The following RALGAPA2 variants were observed in gnomAD, a reference collection of about 807,000 sequenced individuals.
RALGAPA2 encodes the protein Ral GTPase activating protein catalytic subunit alpha 2.
A neutral mutation model predicts 230.4 loss-of-function variants in RALGAPA2; 139 were observed. That is an observed-to-expected ratio of 0.60 (90% CI 0.53 to 0.69). RALGAPA2 has a LOEUF of 0.69. Among genes scored for constraint, RALGAPA2 ranks in the 30% least tolerant of loss-of-function variants. The pLI, the probability that RALGAPA2 is intolerant of heterozygous loss-of-function variation, is 0.00. For synonymous variants in RALGAPA2, 847 were observed against 837.8 expected (o/e 1.01, Z -0.19); for missense variants, 2,163 against 2,276.0 (o/e 0.95, Z 1.01).
At chr20:20,414,218 C>T (rs992281341) in intron 37 of RALGAPA2, among the ~76,000 whole-genome samples, 11 of 152,184 alleles carry the variant, frequency 7.2e-5, no homozygotes, top group Admixed American at 2.6e-4. Context: ...CCGCTGTCAA[C>T]GCTCAATTCA....
At chr20:20,411,885 A>C in intron 38 of RALGAPA2, 142 bp downstream of exon 38, 1 of 1,126,942 alleles carries the variant, frequency 8.9e-7, no homozygotes, top group Non-Finnish European at 1.3e-6. Flanking sequence ...GAATGTCATC[A>C]TTCCTTTTGA....
rs955258688 is a variant in RALGAPA2, at chr20:20,412,082, C to T, written c.5562G>A (p.Glu1854=). The change falls in exon 38 of 40, where the codon GAG becomes GAA. Residue 1854 remains glutamate (E), a synonymous_variant. Coordinates refer to ENST00000202677, the MANE Select transcript of RALGAPA2 (RefSeq NM_020343.4). ...IQNHREVMTF[E]DFAAQVFSPS... is the part of the protein sequence containing the mutation. ...GAGAAAAGACTTGGGCTGCGAAATC[C>T]TCGAATGTCATTACTTCGCGGTGGT... 1 of 1,613,794 alleles carries T rather than the reference C, an allele frequency of 6.2e-7. No homozygotes were observed. The highest frequency in any genetic ancestry group is 8.5e-7 in the Non-Finnish European group (1 of 1,179,866).
intron 18 of RALGAPA2, among the ~76,000 whole-genome samples, chr20:20,586,285 G>A (rs933824610): frequency 6.6e-6 from 1 of 152,134 alleles, no homozygotes; most frequent in Non-Finnish European, 1.5e-5. Flanking sequence ...CTATTGCAAG[G>A]GTAAATCCAA....
At chr20:20,711,658 AC>A (rs1291250412) in intron 1 of RALGAPA2, among the ~76,000 whole-genome samples, 1 of 152,122 alleles carries the variant, frequency 6.6e-6, no homozygotes, top group African/African-American at 2.4e-5. Flanking sequence ...AAGGTGGCAG[AC>A]AGCATCACTG....
intron 24 of RALGAPA2, among the ~76,000 whole-genome samples, chr20:20,537,912 G>A (rs2063540270): frequency 6.6e-6 from 1 of 152,178 alleles, no homozygotes; most frequent in Non-Finnish European, 1.5e-5. Context: ...GAAAACTGAC[G>A]CCAAAGAAGT....
chr20:20,591,740 G>C (rs1275889882), intron 16 of RALGAPA2, among the ~76,000 whole-genome samples: 2 of 151,802 alleles, frequency 1.3e-5, no homozygotes, highest in Non-Finnish European at 2.9e-5. Flanking sequence ...AGGAAATGTG[G>C]GAATTTCTAC....
intron 1 of RALGAPA2, among the ~76,000 whole-genome samples, chr20:20,683,258 G>A (rs545501395): frequency 2.6e-4 from 40 of 152,228 alleles, no homozygotes; most frequent in South Asian, 1.9e-3. Context: ...TGTGACCTCT[G>A]CCCATTGCCT....
intron 37 of RALGAPA2, among the ~76,000 whole-genome samples, chr20:20,442,852 T>G (rs1275595351): frequency 1.3e-5 from 2 of 152,236 alleles, no homozygotes; most frequent in African/African-American, 4.8e-5. Context: ...GATGCCCACT[T>G]TAATCTCTCT....
intron 37 of RALGAPA2, among the ~76,000 whole-genome samples, chr20:20,448,288 T>C (rs2060909955): frequency 6.6e-6 from 1 of 152,048 alleles, no homozygotes; most frequent in Admixed American, 6.5e-5. Flanking sequence ...CCGAGTAGAG[T>C]GTAGTTTAAT....
rs142347331 is a variant in RALGAPA2 at position 20,550,079 on chromosome 20, G to A, written c.3157-3247C>T. Among the ~76,000 whole-genome samples the A allele has an allele frequency of 2.0e-5, 3 of 152,162 alleles. No individual in the cohort carries two copies. The East Asian group carries it at 5.8e-4, about 29-fold the overall frequency. On this transcript the variant is annotated intron_variant, in intron 23 of 39. Coordinates refer to ENST00000202677, the MANE Select transcript of RALGAPA2 (RefSeq NM_020343.4). ...TAGTGGTGATTTGTGAGATTTTGAT[G>A]CACCCATCACCCAAGCAGTAAGCAC... is the stretch of plus-strand genomic sequence containing the variant.
At chr20:20,588,076 T>C (rs528435667) in intron 18 of RALGAPA2, among the ~76,000 whole-genome samples, 1 of 152,184 alleles carries the variant, frequency 6.6e-6, no homozygotes, top group African/African-American at 2.4e-5. Flanking sequence ...GGTTATCTTG[T>C]AAAGAAATTA....
intron 3 of RALGAPA2, among the ~76,000 whole-genome samples, chr20:20,660,559 C>T (rs1027321443): frequency 2.6e-5 from 4 of 151,050 alleles, no homozygotes; most frequent in Non-Finnish European, 5.9e-5. Context: ...TTATGCAGTC[C>T]TTATTAAGCT....
At chr20:20,554,394 G>A (rs6046928) in intron 23 of RALGAPA2, among the ~76,000 whole-genome samples, 8,366 of 152,158 alleles carry the variant, frequency 0.055, 345 homozygotes, top group African/African-American at 0.11. Flanking sequence ...GATACATGAT[G>A]TTTTGTTCGT....
chr20:20,458,790 C>CTA (rs148370065), intron 37 of RALGAPA2, among the ~76,000 whole-genome samples: 78 of 11,286 alleles, frequency 6.9e-3, no homozygotes, highest in African/African-American at 0.027. Flanking sequence ...ATATATAGAC[C>CTA]TATATATATA....
At chr20:20,460,810 C>G (rs1410590291) in intron 37 of RALGAPA2, among the ~76,000 whole-genome samples, 2 of 152,142 alleles carry the variant, frequency 1.3e-5, no homozygotes, top group Non-Finnish European at 2.9e-5. Context: ...TCTGGAACTC[C>G]AAAGCATGAC....
At chr20:20,486,544 T>C (rs969907525) in intron 36 of RALGAPA2, among the ~76,000 whole-genome samples, 1 of 152,200 alleles carries the variant, frequency 6.6e-6, no homozygotes, top group African/African-American at 2.4e-5. Flanking sequence ...TCTTCTTTTT[T>C]GGTTTCCTGT....
intron 37 of RALGAPA2, among the ~76,000 whole-genome samples, chr20:20,432,457 A>G (rs991351019): frequency 2.0e-5 from 3 of 152,170 alleles, no homozygotes; most frequent in African/African-American, 7.2e-5. Flanking sequence ...TCAGCAAGTC[A>G]CTTAATGAGC....
chr20:20,400,915 A>G (rs941906191), intron 38 of RALGAPA2, among the ~76,000 whole-genome samples: 1 of 152,248 alleles, frequency 6.6e-6, no homozygotes, highest in Non-Finnish European at 1.5e-5. Flanking sequence ...TAAAAGAAAG[A>G]AGTCAGCCAC....
intron 34 of RALGAPA2, among the ~76,000 whole-genome samples, chr20:20,503,768 C>T (rs1012062591): frequency 6.6e-6 from 1 of 152,074 alleles, no homozygotes; most frequent in African/African-American, 2.4e-5. Flanking sequence ...ACTTTTTTCC[C>T]ACCTGTATGT....
Sources: allele counts gnomAD v4.1 joint callset (sites outside exome capture counted in the v4.1 genomes callset), GRCh38; gene constraint gnomAD v4.1.1; transcripts MANE v1.5; gene names NCBI Gene and HGNC (gene_info 2026-07-23, HGNC 2026-07-21).